CDH18: variants seen among roughly 807,000 people sequenced by gnomAD.
CDH18 encodes the protein cadherin-18.
Under a neutral mutation model 67.9 loss-of-function variants are expected in CDH18, and 31 were observed. The observed-to-expected ratio is 0.46, with a 90% CI of 0.34 to 0.62. The LOEUF is 0.62. CDH18 is among the 20% of genes least tolerant of loss of function. The pLI, the probability that CDH18 is intolerant of heterozygous loss-of-function variation, is 0.01. For missense variants in CDH18, 890 were observed against 975.5 expected, an observed-to-expected ratio of 0.91 and a Z score of 1.17; for synonymous variants, 362 against 347.2, an observed-to-expected ratio of 1.04 and a Z score of -0.48.
At chr5:20,010,077 C>T (rs556855204) in intron 2 of CDH18, among the ~76,000 whole-genome samples, 14 of 150,280 alleles carry the variant, frequency 9.3e-5, no homozygotes, top group Non-Finnish European at 1.3e-4. Flanking sequence ...GATCTGTCAA[C>T]GGAGACTCCA....
chr5:19,637,498 A>G (rs1172183275), intron 5 of CDH18, among the ~76,000 whole-genome samples: 1 of 152,082 alleles, frequency 6.6e-6, no homozygotes, highest in Admixed American at 6.5e-5. Context: ...CTTTGGCCAA[A>G]AGCTATTTAA....
intron 1 of CDH18, among the ~76,000 whole-genome samples, chr5:20,257,730 T>A (rs1487826690): frequency 6.6e-6 from 1 of 152,138 alleles, no homozygotes; most frequent in South Asian, 2.1e-4. Context: ...TTCAAATACT[T>A]TTGAAAAAGA....
At chr5:20,244,247 AAAG>A (rs1032272858) in intron 2 of CDH18, among the ~76,000 whole-genome samples, 67 of 152,254 alleles carry the variant, frequency 4.4e-4, no homozygotes, top group African/African-American at 1.6e-3. Flanking sequence ...TTAATGTGAT[AAAG>A]AAGTTTTCAG....
chr5:19,975,190 A>T (rs1217956933), intron 2 of CDH18, among the ~76,000 whole-genome samples: 1 of 152,158 alleles, frequency 6.6e-6, no homozygotes, highest in Admixed American at 6.5e-5. Context: ...CAAAGTATAC[A>T]TTTTACTTAA....
At position 19,547,215 on chromosome 5, in the gene CDH18, G is replaced by A. The variant is rs926103048; in HGVS notation, c.1254-3210C>T. Among the ~76,000 whole-genome samples the A allele has an allele frequency of 9.2e-5, 14 of 152,292 alleles. No homozygotes were observed. The South Asian group carries it at 2.7e-3, about 29-fold the overall frequency. ...GAAATGACAGATGTCTTATCATGTG[G>A]AAAGGACAGCATCCTTTAACATGTA... On this transcript the variant is annotated intron_variant, in intron 8 of 12. Transcript: ENST00000382275.
At chr5:19,668,376 T>C (rs906338028) in intron 5 of CDH18, among the ~76,000 whole-genome samples, 1 of 25,204 alleles carries the variant, frequency 4.0e-5, no homozygotes, top group Non-Finnish European at 1.7e-4. Flanking sequence ...ATGACTCTTA[T>C]TAGCATTAAA....
chr5:20,152,047 T>G (rs1315498238), intron 2 of CDH18, among the ~76,000 whole-genome samples: 1 of 149,296 alleles, frequency 6.7e-6, no homozygotes, highest in Non-Finnish European at 1.5e-5. Flanking sequence ...ACCTTAATGT[T>G]GAGAACCTTT....
chr5:19,926,538 T>A (rs969555636), intron 2 of CDH18, among the ~76,000 whole-genome samples: 77 of 152,234 alleles, frequency 5.1e-4, no homozygotes, highest in African/African-American at 1.9e-3. Context: ...GAAGTTAATA[T>A]AAGGCTAACA....
intron 3 of CDH18, among the ~76,000 whole-genome samples, chr5:19,807,008 T>C (rs1434536142): frequency 6.6e-6 from 1 of 152,216 alleles, no homozygotes; most frequent in Non-Finnish European, 1.5e-5. Flanking sequence ...CCTGTACAAC[T>C]TGTTACTGTA....
chr5:19,748,114 A>AAAAAAAAAAAAAAAAAAAC lies in CDH18; in HGVS notation c.229-879_229-878insGTTTTTTTTTTTTTTTTTT, dbSNP rs1770336045. Among the ~76,000 whole-genome samples the AAAAAAAAAAAAAAAAAAAC allele has an allele frequency of 1.4e-5, 2 of 138,000 alleles. 1 individual carries two copies. The highest frequency in any genetic ancestry group is 3.1e-5 in the Non-Finnish European group (2 of 64,108). 90.5% of individuals were successfully genotyped at this position (138,000 alleles called of 152,430 possible). On this transcript the variant is annotated intron_variant, in intron 3 of 12. Transcript: ENST00000382275. ...GGAGACAGAGCGAGACTCCATCTCA[A>AAAAAAAAAAAAAAAAAAAC]AAAAAAAAAAAAAAAAAAAGAGTAC... is the stretch of plus-strand genomic sequence containing the variant.
intron 2 of CDH18, among the ~76,000 whole-genome samples, chr5:20,034,785 T>G (rs1248891912): frequency 6.6e-6 from 1 of 152,024 alleles, no homozygotes; most frequent in Non-Finnish European, 1.5e-5. Flanking sequence ...TTACAATAGA[T>G]CTCTCTCTTT....
chr5:20,084,911 T>C (rs1744811828), intron 2 of CDH18, among the ~76,000 whole-genome samples: 1 of 152,098 alleles, frequency 6.6e-6, no homozygotes, highest in South Asian at 2.1e-4. Flanking sequence ...TCCAGGCTTG[T>C]GATGGGAGGG....
At position 19,591,184 on chromosome 5, in the gene CDH18, T is replaced by C; in HGVS notation, c.872A>G (p.Lys291Arg). Residue 291 changes from lysine to arginine, a missense_variant, in exon 7 of 13, where the codon AAG becomes AGG. By Grantham distance (26) the Lys-to-Arg change is conservative. Coordinates refer to ENST00000382275, the MANE Select transcript of CDH18 (RefSeq NM_004934.5). Reference protein sequence around the residue: ...AQVGSAVGKIKANDADTGSNA... With the variant: ...AQVGSAVGKIRANDADTGSNA... ...TGAGCCAGTGTCAGCATCATTTGCCTTGATTTTCCCAACAGCTGAACCAAC... is the reference window on the plus strand; with the variant it reads ...TGAGCCAGTGTCAGCATCATTTGCCCTGATTTTCCCAACAGCTGAACCAAC... 1 of 1,612,650 alleles carries C rather than the reference T, an allele frequency of 6.2e-7. No homozygotes were observed. The highest frequency in any genetic ancestry group is 8.5e-7 in the Non-Finnish European group (1 of 1,179,156).
chr5:19,626,361 G>A (rs1234265904), intron 5 of CDH18, among the ~76,000 whole-genome samples: 2 of 152,192 alleles, frequency 1.3e-5, no homozygotes, highest in South Asian at 2.1e-4. Context: ...ATGTGCGAAA[G>A]AACACAACGC....
chr5:20,139,629 C>A (rs1750061987), intron 2 of CDH18, among the ~76,000 whole-genome samples: 1 of 151,986 alleles, frequency 6.6e-6, no homozygotes, highest in African/African-American at 2.4e-5. Context: ...AAGAAAAAAT[C>A]AAACAACCCC....
chr5:20,353,989 C>G (rs1047436942), intron 1 of CDH18, among the ~76,000 whole-genome samples: 3 of 152,120 alleles, frequency 2.0e-5, no homozygotes, highest in African/African-American at 7.2e-5. Flanking sequence ...AGGAGAAGCA[C>G]GTTTAGCTTC....
chr5:19,579,462 A>AT (rs977586399), intron 7 of CDH18, among the ~76,000 whole-genome samples: 1 of 149,516 alleles, frequency 6.7e-6, no homozygotes, highest in Non-Finnish European at 1.5e-5. Context: ...ATTTTTGTTT[A>AT]TTTTTTTTCT....
chr5:19,614,625 T>C (rs1202978236), intron 5 of CDH18, among the ~76,000 whole-genome samples: 1 of 152,072 alleles, frequency 6.6e-6, no homozygotes, highest in African/African-American at 2.4e-5. Context: ...GGGAGAAATA[T>C]GAGATTATTA....
chr5:20,485,943 G>A (rs1371400514), intron 1 of CDH18, among the ~76,000 whole-genome samples: 1 of 152,178 alleles, frequency 6.6e-6, no homozygotes, highest in Non-Finnish European at 1.5e-5. Context: ...AGCAAAAGAA[G>A]TGATGGAATA....
Sources: gnomAD v4.1 joint callset for allele counts (sites outside exome capture counted in the v4.1 genomes callset) on GRCh38, gnomAD v4.1.1 for gene constraint, MANE v1.5 for transcripts, NCBI Gene and HGNC (gene_info 2026-07-23, HGNC 2026-07-21) for gene names.